LDLRAD4: variants seen among roughly 807,000 people sequenced by gnomAD.
LDLRAD4 encodes the protein low density lipoprotein receptor class A domain containing 4.
LDLRAD4 carries 5 observed loss-of-function variants against 17.0 expected under a neutral mutation model. The observed-to-expected ratio is 0.29, with a 90% confidence interval of 0.15 to 0.62. The LOEUF (loss-of-function observed/expected upper bound fraction) is 0.62. LDLRAD4 is among the 20% of genes least tolerant of loss of function. The pLI, the probability that LDLRAD4 is intolerant of heterozygous loss-of-function variation, is 0.84. For missense variants in LDLRAD4, 340 were observed against 424.7 expected, an observed-to-expected ratio of 0.80 and a Z score of 1.75; for synonymous variants, 168 against 171.8, an observed-to-expected ratio of 0.98 and a Z score of 0.17.
chr18:13,256,784 CA>C (rs2043528741), intron 1 of LDLRAD4, among the ~76,000 whole-genome samples: 1 of 152,184 alleles, frequency 6.6e-6, no homozygotes, highest in Admixed American at 6.5e-5. Flanking sequence ...AGGAAGGCGT[CA>C]AAAGCAGGGG....
rs145718093 is a variant in LDLRAD4, at chr18:13,414,944, TGAC to T, written c.41-23299_41-23297del. ...GTTTTCATGCATGACCTTGGATAAT[TGAC>T]ATTTGTCTGTGGTTCAAACTGGAGA... On this transcript the variant is annotated intron_variant, in intron 2 of 5. Coordinates refer to ENST00000359446, the Ensembl canonical transcript of LDLRAD4. Among the ~76,000 whole-genome samples the T allele has an allele frequency of 6.3e-3, 958 of 152,360 alleles. 10 individuals carry two copies. Among genetic ancestry groups the T allele is most frequent in the African/African-American group, 0.022 (914 of 41,588 alleles).
intron 3 of LDLRAD4, chr18:13,461,355 G>C (rs536845986): frequency 6.6e-6 from 1 of 152,306 alleles, no homozygotes; most frequent in African/African-American, 2.4e-5. Flanking sequence ...CGAGGAAGAC[G>C]TGGGGATGGG....
chr18:13,641,944 A>T (rs1334544925), intron 4 of LDLRAD4: 1 of 985,206 alleles, frequency 1.0e-6, no homozygotes, highest in Non-Finnish European at 1.2e-6. Flanking sequence ...GGGCTCCCGG[A>T]GCGAGGAGCG....
upstream of LDLRAD4, chr18:13,277,959 C>A (rs2044997232): frequency 6.6e-6 from 1 of 152,124 alleles, no homozygotes; most frequent in Admixed American, 6.5e-5. Flanking sequence ...TTACTTGATG[C>A]CTATTATTGC....
chr18:13,401,622 T>C (rs1304761361), intron 2 of LDLRAD4, among the ~76,000 whole-genome samples: 1 of 152,188 alleles, frequency 6.6e-6, no homozygotes, highest in Admixed American at 6.5e-5. Flanking sequence ...CTGGACAGCC[T>C]GGGCCTGTCT....
In LDLRAD4 at chr18:13,265,409, G is replaced by A. The variant is rs961819214; in HGVS notation, c.-466-12696G>A. Among the ~76,000 whole-genome samples, 11 of 152,098 alleles carry A rather than the reference G, an allele frequency of 7.2e-5. No homozygotes were observed. The East Asian group carries it at 9.6e-4, about 13-fold the overall frequency. On this transcript the variant is annotated intron_variant, in intron 1 of 5. Coordinates refer to the LDLRAD4 transcript ENST00000399848. Reference sequence around the variant, plus strand: ...TCACTCAGTTCCTCCGGGGACACTCGAAGCCCTCCCCCTTCCCACTGTGCT... The same window carrying A: ...TCACTCAGTTCCTCCGGGGACACTCAAAGCCCTCCCCCTTCCCACTGTGCT...
intron 2 of LDLRAD4, among the ~76,000 whole-genome samples, chr18:13,418,947 T>C (rs1358807648): frequency 1.3e-5 from 2 of 152,188 alleles, no homozygotes; most frequent in African/African-American, 4.8e-5. Context: ...ACATAGATGA[T>C]TGAATTTAGT....
intron 1 of LDLRAD4, among the ~76,000 whole-genome samples, chr18:13,222,371 TA>T (rs1235997627): frequency 6.6e-6 from 1 of 152,000 alleles, no homozygotes; most frequent in East Asian, 1.9e-4. Context: ...AGATGACAAC[TA>T]TTTTTTTTTA....
At chr18:13,609,518 C>CGTGTGTGTGTGT (rs755496113) in intron 3 of LDLRAD4, among the ~76,000 whole-genome samples, 8 of 117,410 alleles carry the variant, frequency 6.8e-5, no homozygotes, top group African/African-American at 2.6e-4. Context: ...GCTCATTATG[C>CGTGTGTGTGTGT]GTGTGTGTGT....
intron 3 of LDLRAD4, among the ~76,000 whole-genome samples, chr18:13,596,210 T>G (rs1457356339): frequency 6.6e-6 from 1 of 152,204 alleles, no homozygotes; most frequent in Non-Finnish European, 1.5e-5. Context: ...TTATGACTGT[T>G]GTTTGTATAT....
chr18:13,518,407 C>T (rs1196140701), intron 3 of LDLRAD4, among the ~76,000 whole-genome samples: 6 of 152,174 alleles, frequency 3.9e-5, no homozygotes, highest in Non-Finnish European at 7.4e-5. Context: ...ATGGGATTGT[C>T]ATTTTAAAAA....
intron 1 of LDLRAD4, among the ~76,000 whole-genome samples, chr18:13,361,208 G>C (rs567039264): frequency 6.6e-6 from 1 of 152,280 alleles, no homozygotes; most frequent in Non-Finnish European, 1.5e-5. Context: ...CTCCCGAGTA[G>C]CTGGGACTAC....
intron 1 of LDLRAD4, among the ~76,000 whole-genome samples, chr18:13,292,129 C>T (rs113652238): frequency 0.018 from 2,813 of 152,218 alleles, 35 homozygotes; most frequent in Middle Eastern, 0.082. Flanking sequence ...AGGAGCTTGC[C>T]GGCTGTCTGG....
At chr18:13,643,884 A>G (rs2042835833) in intron 5 of LDLRAD4, among the ~76,000 whole-genome samples, 1 of 152,272 alleles carries the variant, frequency 6.6e-6, no homozygotes, top group Admixed American at 6.5e-5. Flanking sequence ...ATATGTATAC[A>G]CACATACACA....
intron 1 of LDLRAD4, among the ~76,000 whole-genome samples, chr18:13,317,809 A>G (rs2081009190): frequency 6.6e-6 from 1 of 152,158 alleles, no homozygotes; most frequent in African/African-American, 2.4e-5. Flanking sequence ...GGGTGATTTT[A>G]TCTTCTCTGT....
At chr18:13,552,597 C>T (rs2094445719) in intron 3 of LDLRAD4, among the ~76,000 whole-genome samples, 1 of 152,204 alleles carries the variant, frequency 6.6e-6, no homozygotes, top group Non-Finnish European at 1.5e-5. Flanking sequence ...GGCCAGGGCT[C>T]ACCCTCCTCC....
intron 3 of LDLRAD4, among the ~76,000 whole-genome samples, chr18:13,534,674 G>A (rs1022950449): frequency 6.6e-6 from 1 of 152,154 alleles, no homozygotes; most frequent in African/African-American, 2.4e-5. Context: ...ACATCTTTTT[G>A]TATGCTTTGC....
intron 4 of LDLRAD4, among the ~76,000 whole-genome samples, chr18:13,630,922 T>G (rs1415096484): frequency 1.3e-5 from 2 of 152,204 alleles, no homozygotes. Context: ...GCAAAGCACA[T>G]GGTGGAAAAC....
intron 3 of LDLRAD4, among the ~76,000 whole-genome samples, chr18:13,566,665 G>A (rs1299196790): frequency 6.6e-6 from 1 of 152,130 alleles, no homozygotes; most frequent in Non-Finnish European, 1.5e-5. Flanking sequence ...CCAGCCAAGA[G>A]TATGCCTTAT....
Sources: gnomAD v4.1 joint callset for allele counts (sites outside exome capture counted in the v4.1 genomes callset) on GRCh38, gnomAD v4.1.1 for gene constraint, MANE v1.5 for transcripts, NCBI Gene and HGNC (gene_info 2026-07-23, HGNC 2026-07-21) for gene names.